Variants in NECTIN3 observed in about 807,000 individuals in gnomAD.
NECTIN3 encodes the protein nectin cell adhesion molecule 3.
A neutral mutation model predicts 49.4 loss-of-function variants in NECTIN3; 8 were observed. That is an observed-to-expected ratio of 0.16 (90% CI 0.10 to 0.29). NECTIN3 has a LOEUF of 0.29. Ranked by LOEUF, NECTIN3 falls within the 10% of genes least tolerant of loss-of-function variation. NECTIN3 has a pLI of 1.00. For missense variants in NECTIN3, 581 were observed against 654.6 expected, an observed-to-expected ratio of 0.89 and a Z score of 1.23; for synonymous variants, 277 against 241.1, an observed-to-expected ratio of 1.15 and a Z score of -1.38.
intron 7 of NECTIN3, among the ~76,000 whole-genome samples, chr3:111,155,937 T>G (rs1180057580): frequency 2.6e-5 from 4 of 152,170 alleles, no homozygotes; most frequent in Non-Finnish European, 4.4e-5. Context: ...GTGGGGAGAC[T>G]TATCTCAGGC....
At chr3:111,075,555 G>A (rs755621024) in intron 1 of NECTIN3, among the ~76,000 whole-genome samples, 2 of 152,028 alleles carry the variant, frequency 1.3e-5, no homozygotes, top group Admixed American at 6.6e-5. Flanking sequence ...ATTATATTGC[G>A]CAGCATAAAC....
At chr3:111,122,945 G>A (rs2034015863) in intron 4 of NECTIN3, among the ~76,000 whole-genome samples, 1 of 151,126 alleles carries the variant, frequency 6.6e-6, no homozygotes, top group South Asian at 2.1e-4. Flanking sequence ...CACTCTTTTT[G>A]GAACTCCTGT....
intron 7 of NECTIN3, among the ~76,000 whole-genome samples, chr3:111,154,438 T>G (rs760754040): frequency 2.0e-5 from 3 of 152,202 alleles, no homozygotes; most frequent in Non-Finnish European, 4.4e-5. Context: ...TTGGGACTAT[T>G]ACAAACAAAG....
chr3:111,125,022 C>CTTTTT (rs869201432), intron 4 of NECTIN3, among the ~76,000 whole-genome samples: 349 of 90,194 alleles, frequency 3.9e-3, no homozygotes, highest in Middle Eastern at 8.2e-3. Flanking sequence ...TCTTTTCTTT[C>CTTTTT]TTTTTTTTTT....
At chr3:111,077,563 A>G (rs185205711) in intron 1 of NECTIN3, among the ~76,000 whole-genome samples, 45 of 150,878 alleles carry the variant, frequency 3.0e-4, no homozygotes, top group African/African-American at 1.0e-3. Context: ...TTTTGAAGCA[A>G]TGTGGCCGGG....
chr3:111,082,804 C>T (rs1462577562), intron 1 of NECTIN3, among the ~76,000 whole-genome samples: 4 of 152,126 alleles, frequency 2.6e-5, no homozygotes, highest in African/African-American at 7.2e-5. Flanking sequence ...TTCACCATAA[C>T]GTAGAATCAG....
Position 111,136,764 on chromosome 3 carries a change from A to T in NECTIN3, c.*2549A>T. 1.1e-6 allele frequency: 1 copy of T among 927,418 alleles called. No individual in the cohort carries two copies. The highest frequency in any genetic ancestry group is 1.3e-6 in the Non-Finnish European group (1 of 777,550). The allele number at this position is 927,418 out of a possible 1,614,324, so 57.4% of individuals were successfully genotyped here. ...AACTGTTTTAGCATTTTGTAAATTC[A>T]CTTGAGAGTTTTCTTTCATACTGGT... On this transcript the variant is annotated 3_prime_UTR_variant, in exon 6 of 6. Transcript: ENST00000485303.
At chr3:111,193,430 G>A in intron 1 of NECTIN3, 1 of 1,491,706 alleles carries the variant, frequency 6.7e-7, no homozygotes, top group Non-Finnish European at 9.0e-7. Flanking sequence ...TCTTAGATTG[G>A]GGAGAGAAGC....
intron 1 of NECTIN3, among the ~76,000 whole-genome samples, chr3:111,097,346 C>T (rs1241487421): frequency 6.6e-6 from 1 of 152,168 alleles, no homozygotes; most frequent in African/African-American, 2.4e-5. Context: ...ACTTTACAGG[C>T]TCATAGGCAG....
upstream of NECTIN3, among the ~76,000 whole-genome samples, chr3:111,189,849 C>G (rs188934071): frequency 2.4e-3 from 370 of 152,296 alleles, no homozygotes; most frequent in African/African-American, 8.4e-3. Flanking sequence ...CAGGCACCTG[C>G]CATATGCACC....
At chr3:111,083,105 C>T (rs2031723008) in intron 1 of NECTIN3, among the ~76,000 whole-genome samples, 2 of 152,132 alleles carry the variant, frequency 1.3e-5, no homozygotes, top group African/African-American at 4.8e-5. Context: ...TTGCCCACCA[C>T]TCACTTTCTG....
intron 7 of NECTIN3, among the ~76,000 whole-genome samples, chr3:111,183,744 C>G (rs1188372623): frequency 6.6e-6 from 1 of 151,466 alleles, no homozygotes; most frequent in East Asian, 1.9e-4. Flanking sequence ...CTTTATTTCT[C>G]TGATTAAACT....
downstream of NECTIN3, among the ~76,000 whole-genome samples, chr3:111,138,429 G>T (rs1229423596): frequency 2.7e-5 from 4 of 150,786 alleles, no homozygotes; most frequent in Non-Finnish European, 4.5e-5. Flanking sequence ...ATATTTCTGG[G>T]TTTTTTTTCT....
At chr3:111,075,887 G>T (rs2031159246) in intron 1 of NECTIN3, among the ~76,000 whole-genome samples, 1 of 152,092 alleles carries the variant, frequency 6.6e-6, no homozygotes, top group Non-Finnish European at 1.5e-5. Context: ...AGGGGTTGGA[G>T]AAGGGACTCA....
chr3:111,158,578 C>T (rs990885954), intron 7 of NECTIN3, among the ~76,000 whole-genome samples: 23 of 151,878 alleles, frequency 1.5e-4, no homozygotes, highest in South Asian at 2.1e-4. Context: ...AAATTGCAGA[C>T]GATATTTAAG....
At chr3:111,170,026 T>C (rs2035403671) in intron 7 of NECTIN3, among the ~76,000 whole-genome samples, 1 of 152,234 alleles carries the variant, frequency 6.6e-6, no homozygotes, top group African/African-American at 2.4e-5. Flanking sequence ...TGCCCCCCTT[T>C]GTCTCTATCC....
rs185469829 is a variant in NECTIN3 at position 111,122,092 on chromosome 3, A to T, written c.800-29A>T. 2,733 of 1,393,152 alleles carry T rather than the reference A, an allele frequency of 2.0e-3. 48 individuals carry two copies. Among genetic ancestry groups the T allele is most frequent in the Non-Finnish European group, 3.9e-4 (385 of 982,468 alleles). 86.3% of individuals were successfully genotyped at this position (1,393,152 alleles called of 1,614,324 possible). ...TTGCATTTATCATTAACAAAAGGTA[A>T]TCTGTCCTGTCATGCATTTATTTTA... is the stretch of plus-strand genomic sequence containing the variant. On this transcript the variant is annotated intron_variant, in intron 3 of 5. Coordinates refer to ENST00000485303, the MANE Select transcript of NECTIN3 (RefSeq NM_015480.3).
chr3:111,116,563 G>A (rs2033696947), intron 2 of NECTIN3, among the ~76,000 whole-genome samples: 1 of 152,038 alleles, frequency 6.6e-6, no homozygotes, highest in Non-Finnish European at 1.5e-5. Context: ...GAGTTTCAAT[G>A]GAGTGGTAGT....
chr3:111,073,981 C>T (rs1308497385), intron 1 of NECTIN3, among the ~76,000 whole-genome samples: 1 of 150,914 alleles, frequency 6.6e-6, no homozygotes, highest in Non-Finnish European at 1.5e-5. Flanking sequence ...AAAACTTAAG[C>T]AGTGTAGGCA....
Sources: allele counts gnomAD v4.1 joint callset (sites outside exome capture counted in the v4.1 genomes callset), GRCh38; gene constraint gnomAD v4.1.1; transcripts MANE v1.5; gene names NCBI Gene and HGNC (gene_info 2026-07-23, HGNC 2026-07-21).